The following DPF3 variants were observed in gnomAD, a reference collection of about 807,000 sequenced individuals.
The protein encoded by DPF3 is zinc finger protein DPF3.
A neutral mutation model predicts 56.8 loss-of-function variants in DPF3; 18 were observed. That is an observed-to-expected ratio of 0.32 (90% CI 0.22 to 0.47). The LOEUF is 0.47. DPF3 is among the 20% of genes least tolerant of loss of function. The pLI is 1.00. For missense variants in DPF3, 403 were observed against 488.8 expected (o/e 0.82, Z 1.65); for synonymous variants, 188 against 180.2 (o/e 1.04, Z -0.35).
chr14:72,855,678 C>A (rs1400906291), intron 1 of DPF3, among the ~76,000 whole-genome samples: 1 of 151,992 alleles, frequency 6.6e-6, no homozygotes, highest in Non-Finnish European at 1.5e-5. Flanking sequence ...TTTAACCAAG[C>A]CAACCTCAGA....
At chr14:72,664,118 A>AC (rs1326743790) in intron 8 of DPF3, among the ~76,000 whole-genome samples, 1 of 151,816 alleles carries the variant, frequency 6.6e-6, no homozygotes, top group Non-Finnish European at 1.5e-5. Flanking sequence ...GACTGATCAA[A>AC]CCCAGGTGAC....
At position 72,618,303 on chromosome 14, in the gene DPF3, C is replaced by T. The variant is rs1884212943; in HGVS notation, c.*994G>A. Reference sequence around the variant, plus strand: ...ACTTGGAAAAAGGAATTCAGAGCGTCGCATCAATACTGAAGGTTTCTCAAA... The same window carrying T: ...ACTTGGAAAAAGGAATTCAGAGCGTTGCATCAATACTGAAGGTTTCTCAAA... On this transcript the variant is annotated 3_prime_UTR_variant, in exon 11 of 11. Transcript: ENST00000556509. Among the ~76,000 whole-genome samples, 1 of 152,190 alleles carries T rather than the reference C, an allele frequency of 6.6e-6. No homozygotes were observed. The highest frequency in any genetic ancestry group is 2.4e-5 in the African/African-American group (1 of 41,446).
intron 1 of DPF3, among the ~76,000 whole-genome samples, chr14:72,874,337 G>A (rs1369617610): frequency 6.6e-6 from 1 of 151,796 alleles, no homozygotes; most frequent in East Asian, 1.9e-4. Context: ...AAATTAGCCA[G>A]GCATGGTGAT....
intron 1 of DPF3, among the ~76,000 whole-genome samples, chr14:72,772,375 C>T (rs956093460): frequency 3.3e-5 from 5 of 152,156 alleles, no homozygotes; most frequent in Non-Finnish European, 4.4e-5. Flanking sequence ...TCCATTACAA[C>T]AGAAGAGAAA....
intron 5 of DPF3, 35 bp downstream of exon 5, chr14:72,723,598 C>T (rs1452156244): frequency 5.9e-6 from 9 of 1,535,474 alleles, no homozygotes; most frequent in Non-Finnish European, 7.9e-6. Flanking sequence ...CAGCCTCCCT[C>T]ATCTCTTTCC....
At chr14:72,802,388 C>A (rs1241784417) in intron 1 of DPF3, among the ~76,000 whole-genome samples, 1 of 152,158 alleles carries the variant, frequency 6.6e-6, no homozygotes, top group Non-Finnish European at 1.5e-5. Context: ...AAGAGAGAAC[C>A]CTTCACACAG....
At chr14:72,646,840 G>A (rs1367119244) in intron 8 of DPF3, among the ~76,000 whole-genome samples, 1 of 152,224 alleles carries the variant, frequency 6.6e-6, no homozygotes, top group African/African-American at 2.4e-5. Flanking sequence ...GAATTACCGG[G>A]AGAGATGTTT....
At chr14:72,630,109 A>G (rs1308089608) in intron 8 of DPF3, among the ~76,000 whole-genome samples, 2 of 152,176 alleles carry the variant, frequency 1.3e-5, no homozygotes, top group Non-Finnish European at 2.9e-5. Flanking sequence ...AGCATCAGCT[A>G]TGGCAGCACA....
intron 2 of DPF3, among the ~76,000 whole-genome samples, chr14:72,757,006 AGG>A (rs1890865544): frequency 7.4e-6 from 1 of 134,518 alleles, no homozygotes; most frequent in African/African-American, 2.8e-5. Flanking sequence ...AGAGGGAGAG[AGG>A]AGAGAAGAGG....
chr14:72,781,057 C>T (rs750392405), intron 1 of DPF3, among the ~76,000 whole-genome samples: 1 of 152,214 alleles, frequency 6.6e-6, no homozygotes, highest in Non-Finnish European at 1.5e-5. Context: ...GATAGCTCCC[C>T]AACCTCTAAA....
At chr14:72,879,752 C>A in intron 1 of DPF3, 2 of 1,496,798 alleles carry the variant, frequency 1.3e-6, no homozygotes, top group South Asian at 1.3e-5. Context: ...GGACACAGAG[C>A]ATCCCCTCAG....
At chr14:72,738,224 C>T (rs924930589) in intron 3 of DPF3, among the ~76,000 whole-genome samples, 16 of 151,994 alleles carry the variant, frequency 1.1e-4, no homozygotes, top group Non-Finnish European at 2.4e-4. Context: ...AGGGGTGCCA[C>T]TTTCTTGGCT....
chr14:72,874,056 A>G (rs1173567517), intron 1 of DPF3, among the ~76,000 whole-genome samples: 7 of 144,738 alleles, frequency 4.8e-5, no homozygotes, highest in South Asian at 4.5e-4. Flanking sequence ...CATGTACCCT[A>G]AAACTTAAAG....
chr14:72,772,722 A>C (rs1238370110), intron 1 of DPF3, among the ~76,000 whole-genome samples: 7 of 152,242 alleles, frequency 4.6e-5, no homozygotes, highest in Non-Finnish European at 1.0e-4. Flanking sequence ...AAGACCAAAA[A>C]TGGAGCATTG....
chr14:72,697,604 C>T (rs1261555456), intron 6 of DPF3, among the ~76,000 whole-genome samples: 1 of 152,172 alleles, frequency 6.6e-6, no homozygotes, highest in Non-Finnish European at 1.5e-5. Flanking sequence ...AAGGCTTTAT[C>T]CTGACAATGG....
Position 72,661,860 on chromosome 14 carries a change from T to TA in DPF3, c.871+12379_871+12380insT, listed in dbSNP as rs1886229803. On this transcript the variant is annotated intron_variant, in intron 8 of 10. Transcript: ENST00000556509. ...GCTGATGCTTTTATTTTTGCTTTTTTTTTTTTTTTTTTTTTGCTGCATTAT... is the reference window on the plus strand; with the variant it reads ...GCTGATGCTTTTATTTTTGCTTTTTTATTTTTTTTTTTTTTTGCTGCATTAT... The TA allele has an allele frequency of 2.4e-5, 8 of 337,126 alleles. No homozygotes were observed. In the African/African-American group the frequency reaches 3.4e-4, roughly 14 times the overall value. 20.9% of individuals were successfully genotyped at this position (337,126 alleles called of 1,614,324 possible).
intron 1 of DPF3, among the ~76,000 whole-genome samples, chr14:72,862,658 A>G (rs949413487): frequency 1.3e-5 from 2 of 152,120 alleles, no homozygotes; most frequent in African/African-American, 4.8e-5. Context: ...TCTTCAAAAC[A>G]TCAGCCATGC....
intron 1 of DPF3, among the ~76,000 whole-genome samples, chr14:72,818,203 T>A (rs1883372354): frequency 6.6e-6 from 1 of 151,670 alleles, no homozygotes. Context: ...ATCGAGCCAC[T>A]GCACTCCAGC....
intron 8 of DPF3, chr14:72,670,548 T>C (rs77111559): frequency 2.7e-6 from 1 of 371,666 alleles, no homozygotes; most frequent in Non-Finnish European, 3.0e-6. Flanking sequence ...GGGCACAGAA[T>C]AGTGCAACCG....
Sources: gnomAD v4.1 joint callset for allele counts (sites outside exome capture counted in the v4.1 genomes callset) on GRCh38, gnomAD v4.1.1 for gene constraint, MANE v1.5 for transcripts, NCBI Gene and HGNC (gene_info 2026-07-23, HGNC 2026-07-21) for gene names.